Variants in CC2D2A observed in about 807,000 individuals in gnomAD.
CC2D2A encodes coiled-coil and C2 domain-containing protein 2A.
In CC2D2A, 155 loss-of-function variants were observed where a neutral mutation model predicts 212.9. The observed-to-expected ratio is 0.73, with a 90% CI of 0.64 to 0.83. CC2D2A has a LOEUF of 0.83. CC2D2A is among the 40% of genes least tolerant of loss of function. The pLI, the probability that CC2D2A is intolerant of heterozygous loss-of-function variation, is 0.00. For synonymous variants in CC2D2A, 667 were observed against 686.5 expected (o/e 0.97, Z 0.44); for missense variants, 1,856 against 1,956.2 (o/e 0.95, Z 0.97).
chr4:15,552,367 T>C (rs1719047253), intron 18 of CC2D2A, among the ~76,000 whole-genome samples: 1 of 152,194 alleles, frequency 6.6e-6, no homozygotes, highest in Admixed American at 6.5e-5. Flanking sequence ...TCCAAAACAA[T>C]ACACCTCTAC....
intron 3 of CC2D2A, among the ~76,000 whole-genome samples, chr4:15,479,502 T>C (rs1055368473): frequency 3.3e-5 from 5 of 152,046 alleles, no homozygotes; most frequent in African/African-American, 4.8e-5. Flanking sequence ...CCAGGAGAGA[T>C]GAAGAGGTCA....
intron 29 of CC2D2A, among the ~76,000 whole-genome samples, chr4:15,578,033 A>T (rs1480819182): frequency 6.6e-6 from 1 of 152,144 alleles, no homozygotes; most frequent in Non-Finnish European, 1.5e-5. Context: ...CTTGTTTTAT[A>T]ATTCTCCATT....
At chr4:15,595,952 G>A in intron 33 of CC2D2A, 133 bp from the exon 34 acceptor site, 1 of 527,560 alleles carries the variant, frequency 1.9e-6, no homozygotes, top group East Asian at 3.5e-5. Flanking sequence ...ATCAAAAAAT[G>A]ACAAAATGTA....
At position 15,511,431 on chromosome 4, in the gene CC2D2A, A is replaced by G. The variant is rs1716564777; in HGVS notation, c.717+8A>G. ...GGAGGAGGAAAGGAAATGGTATTTA[A>G]TATCAGGATGGTAATGAGGTGTGGG... On this transcript the variant is annotated splice_region_variant and intron_variant, in intron 8 of 36. Coordinates refer to ENST00000424120, the MANE Select transcript of CC2D2A (RefSeq NM_001378615.1). The G allele has an allele frequency of 6.5e-7, 1 of 1,527,648 alleles. No homozygotes were observed. Among genetic ancestry groups the G allele is most frequent in the African/African-American group, 1.4e-5 (1 of 69,902 alleles). 94.6% of individuals were successfully genotyped at this position (1,527,648 alleles called of 1,614,324 possible). A position where few individuals can be genotyped will look rare whatever the true frequency, so the allele number is the denominator to read the frequency against.
chr4:15,500,107 G>GTATATATATATATATATATATA (rs55743422), intron 4 of CC2D2A, among the ~76,000 whole-genome samples: 4 of 112,946 alleles, frequency 3.5e-5, no homozygotes, highest in African/African-American at 1.5e-4. Context: ...GTGTGTGTGT[G>GTATATATATATATATATATATA]TATATATATA....
At chr4:15,528,775 C>A in intron 13 of CC2D2A, 49 bp downstream of exon 13, 2 of 1,304,150 alleles carry the variant, frequency 1.5e-6, no homozygotes, top group Non-Finnish European at 2.2e-6. Flanking sequence ...GTTAGATGTG[C>A]ACTTGTTAGA....
chr4:15,527,487 C>G lies in CC2D2A; in HGVS notation c.1190C>G (p.Ser397Cys), dbSNP rs1318226093. ...YVHSSQHVIR[S>C]GDPPGNFQLD... ...CACAGTAGTCAGCATGTGATCAGATCTGGAGACCCTCCTGGAAATTTCCAA... is the reference window on the plus strand; with the variant it reads ...CACAGTAGTCAGCATGTGATCAGATGTGGAGACCCTCCTGGAAATTTCCAA... Residue 397 changes from serine (S) to cysteine (C), a missense_variant, in exon 12 of 37, where the codon TCT becomes TGT. Around this residue, in one of 5 missense-constraint regions of CC2D2A, gnomAD observed 1,512 missense variants for 1,579.3 expected, o/e 0.96. Transcript: ENST00000424120. 1 of 1,613,518 alleles carries G rather than the reference C, an allele frequency of 6.2e-7. No individual in the cohort carries two copies. Among genetic ancestry groups the G allele is most frequent in the African/African-American group, 1.3e-5 (1 of 74,928 alleles).
rs189669447 is a variant in CC2D2A at position 15,497,404 on chromosome 4, A to G, written c.248-5025A>G. Among the ~76,000 whole-genome samples, 342 of 152,308 alleles carry G rather than the reference A, an allele frequency of 2.2e-3. 1 individual carries two copies. Among genetic ancestry groups the G allele is most frequent in the Admixed American group, 6.0e-3 (91 of 15,290 alleles). On this transcript the variant is annotated intron_variant, in intron 4 of 36. Coordinates refer to ENST00000424120, the MANE Select transcript of CC2D2A (RefSeq NM_001378615.1). ...AAAGATAATTTTGTGCTGAGGTTTA[A>G]GCACTGGGAATGGAGAGGCAGAAGT...
intron 22 of CC2D2A, among the ~76,000 whole-genome samples, chr4:15,559,800 G>T (rs1384820000): frequency 1.3e-5 from 2 of 151,890 alleles, no homozygotes. Context: ...AATTATTTAA[G>T]AGGTTATTTA....
At chr4:15,597,542 G>T in intron 35 of CC2D2A, 77 bp downstream of exon 35, 1 of 1,115,396 alleles carries the variant, frequency 9.0e-7, no homozygotes, top group Non-Finnish European at 1.3e-6. Flanking sequence ...CTGTCAGCCT[G>T]GATGAATGTG....
chr4:15,502,333 C>T, intron 4 of CC2D2A, 96 bp from the exon 5 acceptor site: 8 of 898,158 alleles, frequency 8.9e-6, no homozygotes, highest in South Asian at 1.8e-5. Flanking sequence ...TTTAACCTTC[C>T]CTTTTGGGGG....
intron 2 of CC2D2A, among the ~76,000 whole-genome samples, chr4:15,478,300 T>C (rs753420525): frequency 3.3e-5 from 5 of 152,232 alleles, no homozygotes; most frequent in Admixed American, 6.5e-5. Context: ...GCAGAAAAAC[T>C]TAACCGGTGA....
chr4:15,495,083 C>T (rs1035421321), intron 4 of CC2D2A, among the ~76,000 whole-genome samples: 1 of 152,110 alleles, frequency 6.6e-6, no homozygotes, highest in African/African-American at 2.4e-5. Context: ...CACCCTCCAC[C>T]CTCAAATACC....
intron 4 of CC2D2A, among the ~76,000 whole-genome samples, chr4:15,498,888 T>A (rs571278627): frequency 6.6e-6 from 1 of 152,332 alleles, no homozygotes; most frequent in African/African-American, 2.4e-5. Context: ...CCTTTCTATG[T>A]TTTTCCTTCG....
rs77906296 is a variant in CC2D2A, at chr4:15,554,063, A to G, written c.2486+758A>G. ...AGTTCCCTTGATGCCTTCAATCCCC[A>G]TAACGACCACACATGTCCATGTGAT... is the stretch of plus-strand genomic sequence containing the variant. On this transcript the variant is annotated intron_variant, in intron 19 of 36. Transcript: ENST00000424120. Among the ~76,000 whole-genome samples, 5 of 152,338 alleles carry G rather than the reference A, an allele frequency of 3.3e-5. No individual in the cohort carries two copies. In the East Asian group the frequency reaches 9.6e-4, roughly 29 times the overall value.
chr4:15,498,507 A>G (rs1715741910), intron 4 of CC2D2A, among the ~76,000 whole-genome samples: 2 of 152,198 alleles, frequency 1.3e-5, no homozygotes, highest in Non-Finnish European at 2.9e-5. Flanking sequence ...CGAGCCTGGC[A>G]GATCAGTTCT....
At chr4:15,490,835 T>C (rs960577423) in intron 4 of CC2D2A, among the ~76,000 whole-genome samples, 2 of 151,926 alleles carry the variant, frequency 1.3e-5, no homozygotes, top group African/African-American at 4.8e-5. Flanking sequence ...AATTGGTTAT[T>C]TTCATAAGAA....
chr4:15,582,948 T>C (rs1224087493), intron 30 of CC2D2A, among the ~76,000 whole-genome samples: 3 of 152,048 alleles, frequency 2.0e-5, no homozygotes, highest in African/African-American at 7.2e-5. Flanking sequence ...CAACAAAATA[T>C]TGCCAAACAA....
intron 29 of CC2D2A, among the ~76,000 whole-genome samples, chr4:15,579,343 C>A (rs1245018234): frequency 6.6e-6 from 1 of 151,838 alleles, no homozygotes; most frequent in Non-Finnish European, 1.5e-5. Context: ...AAAAAAAAGT[C>A]TGGGAATTGT....
Sources: allele counts gnomAD v4.1 joint callset (sites outside exome capture counted in the v4.1 genomes callset), GRCh38; gene constraint gnomAD v4.1.1; regional missense constraint gnomAD v4.1.1; transcripts MANE v1.5; gene names NCBI Gene and HGNC (gene_info 2026-07-23, HGNC 2026-07-21).